The following DRC11 variants were observed in gnomAD, a reference collection of about 807,000 sequenced individuals.
DRC11 encodes the protein IQ and AAA domain-containing protein 1.
the DRC11 span, chr2:236,507,368 G>A: frequency 3.2e-6 from 4 of 1,244,102 alleles, 1 homozygote; most frequent in South Asian, 3.6e-5. Context: ...AGGAGCTACA[G>A]AGGATTTGGG....
At chr2:236,308,256 A>C in the DRC11 span, among the ~76,000 whole-genome samples, 2 of 152,256 alleles carry the variant, frequency 1.3e-5, no homozygotes, top group Admixed American at 1.3e-4. This position sits in a 1 kb window ranked among gnomAD's most constrained non-coding sequence, Gnocchi z 6.0. Context: ...GCCTTTGGGC[A>C]GTTCCTCTGA....
At chr2:236,326,791 GTTGTGTGT>G in the DRC11 span, among the ~76,000 whole-genome samples, 1 of 127,642 alleles carries the variant, frequency 7.8e-6, no homozygotes, top group African/African-American at 3.1e-5. Flanking sequence ...TTTCAGATTT[GTTGTGTGT>G]GTGTGTGTGT....
At chr2:236,391,919 C>T in the DRC11 span, 1 of 1,481,168 alleles carries the variant, frequency 6.8e-7, no homozygotes, top group Non-Finnish European at 9.4e-7. This position sits in a 1 kb window ranked among gnomAD's most constrained non-coding sequence, Gnocchi z 4.5. Flanking sequence ...TCAGGGGCTG[C>T]TTTTCATGAC....
the DRC11 span, among the ~76,000 whole-genome samples, chr2:236,446,718 G>C: frequency 6.6e-6 from 1 of 152,232 alleles, no homozygotes. This position sits in a 1 kb window ranked among gnomAD's most constrained non-coding sequence, Gnocchi z 6.2. Flanking sequence ...GGCACCCACA[G>C]CATTCAAACA....
At chr2:236,497,473 A>G in the DRC11 span, 5 of 1,607,210 alleles carry the variant, frequency 3.1e-6, no homozygotes, top group Admixed American at 3.4e-5. The surrounding 1 kb of genome is among the most constrained non-coding windows in gnomAD (Gnocchi z 5.1). Flanking sequence ...CTGATGCCAC[A>G]TCTTATTATA....
At chr2:236,425,485 T>C in the DRC11 span, among the ~76,000 whole-genome samples, 1 of 152,078 alleles carries the variant, frequency 6.6e-6, no homozygotes, top group Non-Finnish European at 1.5e-5. Flanking sequence ...CAATTTTAAA[T>C]TAGGTTGTTT....
the DRC11 span, among the ~76,000 whole-genome samples, chr2:236,354,603 G>T: frequency 6.6e-6 from 1 of 152,186 alleles, no homozygotes; most frequent in South Asian, 2.1e-4. Flanking sequence ...ACTTCCCAAG[G>T]TACCTCCATC....
chr2:236,432,008 A>G, the DRC11 span, among the ~76,000 whole-genome samples: 8 of 152,234 alleles, frequency 5.3e-5, no homozygotes. Context: ...AGAAATTGGC[A>G]TGATGTTTTC....
the DRC11 span, among the ~76,000 whole-genome samples, chr2:236,373,235 T>C: frequency 1.3e-5 from 2 of 151,982 alleles, no homozygotes; most frequent in Non-Finnish European, 2.9e-5. Flanking sequence ...ACACGTCTTC[T>C]ATAATTCTTT....
At chr2:236,470,470 C>A in the DRC11 span, among the ~76,000 whole-genome samples, 23 of 152,086 alleles carry the variant, frequency 1.5e-4, no homozygotes, top group Admixed American at 1.5e-3. This position sits in a 1 kb window ranked among gnomAD's most constrained non-coding sequence, Gnocchi z 5.1. Context: ...CTTAGAGGCG[C>A]GTGTTCGGTC....
the DRC11 span, among the ~76,000 whole-genome samples, chr2:236,466,770 C>T: frequency 6.9e-4 from 105 of 152,330 alleles, no homozygotes; most frequent in African/African-American, 2.5e-3. Context: ...CACTAGGCTC[C>T]ACCTCCAACA....
chr2:236,325,598 CTTT>C, the DRC11 span, among the ~76,000 whole-genome samples: 19 of 142,190 alleles, frequency 1.3e-4, no homozygotes, highest in African/African-American at 4.1e-4. The surrounding 1 kb of genome is among the most constrained non-coding windows in gnomAD (Gnocchi z 4.4). Context: ...CTTTGTATGT[CTTT>C]TTTTTTTTTT....
chr2:236,440,251 G>T, the DRC11 span, among the ~76,000 whole-genome samples: 1 of 152,176 alleles, frequency 6.6e-6, no homozygotes, highest in African/African-American at 2.4e-5. Flanking sequence ...GTAGCGTAGG[G>T]TAAATGTCAA....
At chr2:236,398,556 C>T in the DRC11 span, among the ~76,000 whole-genome samples, 2 of 152,202 alleles carry the variant, frequency 1.3e-5, no homozygotes, top group Non-Finnish European at 2.9e-5. The surrounding 1 kb of genome is among the most constrained non-coding windows in gnomAD (Gnocchi z 6.2). Flanking sequence ...CAGAAACTTC[C>T]ACACTAGCAC....
the DRC11 span, among the ~76,000 whole-genome samples, chr2:236,485,254 GTATA>G: frequency 3.3e-5 from 5 of 151,006 alleles, no homozygotes; most frequent in Non-Finnish European, 7.4e-5. Context: ...ATATATGTAT[GTATA>G]TATATATAAT....
the DRC11 span, among the ~76,000 whole-genome samples, chr2:236,345,902 C>T: frequency 2.6e-5 from 4 of 152,292 alleles, no homozygotes; most frequent in Middle Eastern, 3.4e-3. Flanking sequence ...ATGGAAAAAT[C>T]GCTAGGGACA....
the DRC11 span, among the ~76,000 whole-genome samples, chr2:236,435,503 G>T: frequency 6.6e-6 from 1 of 152,200 alleles, no homozygotes; most frequent in Non-Finnish European, 1.5e-5. Context: ...AAAGAAAAAG[G>T]GTTTAATTGA....
chr2:236,364,013 T>C, the DRC11 span: 1 of 1,579,644 alleles, frequency 6.3e-7, no homozygotes. Flanking sequence ...GCTAATGTTC[T>C]GCCAAGAAAA....
the DRC11 span, among the ~76,000 whole-genome samples, chr2:236,329,182 G>A: frequency 6.6e-6 from 1 of 152,202 alleles, no homozygotes; most frequent in Admixed American, 6.5e-5. Flanking sequence ...GGACTCACCA[G>A]GATAATTCAG....
Sources: allele counts gnomAD v4.1 joint callset (sites outside exome capture counted in the v4.1 genomes callset), GRCh38; gene constraint gnomAD v4.1.1; non-coding constraint Gnocchi (gnomAD v3.1); transcripts MANE v1.5; gene names NCBI Gene and HGNC (gene_info 2026-07-23, HGNC 2026-07-21).